SETX: variants seen among roughly 807,000 people sequenced by gnomAD.
SETX encodes helicase senataxin.
In SETX, 90 loss-of-function variants were observed where a neutral mutation model predicts 227.2. That is an observed-to-expected ratio of 0.40 (90% CI 0.33 to 0.47). The LOEUF is 0.47. Among genes scored for constraint, SETX ranks in the 20% least tolerant of loss-of-function variants. The pLI, the probability that SETX is intolerant of heterozygous loss-of-function variation, is 0.91. For missense variants in SETX, 3,052 were observed against 3,181.5 expected (o/e 0.96, Z 0.98); for synonymous variants, 1,210 against 1,113.2 (o/e 1.09, Z -1.73).
chr9:132,283,012 T>G (rs941711997), intron 19 of SETX: 1 of 517,088 alleles, frequency 1.9e-6, no homozygotes, highest in African/African-American at 1.9e-5. Flanking sequence ...AGTGAGACAG[T>G]CACTCAGCAG....
intron 10 of SETX, among the ~76,000 whole-genome samples, chr9:132,324,223 T>C (rs1196847243): frequency 6.6e-6 from 1 of 151,576 alleles, no homozygotes; most frequent in Non-Finnish European, 1.5e-5. Flanking sequence ...CCAGCGAAAA[T>C]AAAGCAACTC....
chr9:132,273,652 T>C lies in SETX; in HGVS notation c.7100+1604A>G, dbSNP rs531541970. Among the ~76,000 whole-genome samples the C allele has an allele frequency of 1.1e-4, 16 of 152,374 alleles. No homozygotes were observed. In the South Asian group the frequency reaches 3.1e-3, roughly 30 times the overall value. ...TCAAAATATAATCAACTTTCACATA[T>C]TAATCTTGTATCCTGCTAAGCTTAT... is the stretch of plus-strand genomic sequence containing the variant. On this transcript the variant is annotated intron_variant, in intron 23 of 25. Transcript: ENST00000224140.
intron 23 of SETX, among the ~76,000 whole-genome samples, chr9:132,272,203 C>G (rs1310530133): frequency 6.6e-6 from 1 of 151,948 alleles, no homozygotes; most frequent in Non-Finnish European, 1.5e-5. Context: ...TAGCCTCACT[C>G]TTGTCCAGGC....
intron 18 of SETX, among the ~76,000 whole-genome samples, chr9:132,285,217 A>G (rs1032553758): frequency 3.3e-5 from 5 of 152,286 alleles, no homozygotes; most frequent in East Asian, 1.9e-4. Flanking sequence ...GATAATTATC[A>G]TAATTGTTTT....
rs768416624 is a variant in SETX, at chr9:132,326,754, T to G, written c.4844A>C (p.Glu1615Ala). Residue 1615 changes from glutamate to alanine, a missense_variant, in exon 10 of 26, where the codon GAA (glutamate) becomes GCA (alanine). Around this residue, in one of 10 missense-constraint regions of SETX, gnomAD observed 1,483 missense variants for 1,312.0 expected, o/e 1.13. Transcript: ENST00000224140. Reference protein sequence around the residue: ...SRIAGLSKSLETSSALSPSLK... With the variant: ...SRIAGLSKSLATSSALSPSLK... ...AGACGGTGAAAGTGCTGAAGAAGTTTCCAAAGATTTAGAAAGACCAGCAAT... is the reference window on the plus strand; with the variant it reads ...AGACGGTGAAAGTGCTGAAGAAGTTGCCAAAGATTTAGAAAGACCAGCAAT... The G allele has an allele frequency of 6.2e-7, 1 of 1,614,228 alleles. No homozygotes were observed. The highest frequency in any genetic ancestry group is 8.5e-7 in the Non-Finnish European group (1 of 1,180,036).
At chr9:132,351,050 T>C (rs1848576807) in intron 2 of SETX, among the ~76,000 whole-genome samples, 2 of 152,196 alleles carry the variant, frequency 1.3e-5, no homozygotes. Flanking sequence ...AGGTCTTCAA[T>C]GTATTTCTGC....
chr9:132,356,227 G>C (rs1848907524), upstream of SETX, among the ~76,000 whole-genome samples: 1 of 151,854 alleles, frequency 6.6e-6, no homozygotes. Flanking sequence ...TTTTGAGATG[G>C]AGTCGCGCTC....
At chr9:132,299,742 T>C (rs1416581197) in intron 12 of SETX, among the ~76,000 whole-genome samples, 2 of 152,184 alleles carry the variant, frequency 1.3e-5, no homozygotes, top group Non-Finnish European at 2.9e-5. Flanking sequence ...GATGACAGCC[T>C]TGAAAATAGG....
Position 132,346,268 on chromosome 9 carries a change from T to C in SETX, c.381A>G (p.Glu127=). The part of the protein sequence containing the change: ...ILKYPYLLLH[E]RVNELCVEAL... ...AACCATCAAGATACTCACTAACACGTTCATGTAGAAGCAAGTAAGGATATT... is the reference window on the plus strand; with the variant it reads ...AACCATCAAGATACTCACTAACACGCTCATGTAGAAGCAAGTAAGGATATT... Residue 127 remains glutamate, a synonymous_variant, in exon 4 of 26, where the codon GAA becomes GAG. Coordinates refer to ENST00000224140, the MANE Select transcript of SETX (RefSeq NM_015046.7). 6 of 1,612,234 alleles carry C rather than the reference T, an allele frequency of 3.7e-6. No homozygotes were observed. Among genetic ancestry groups the C allele is most frequent in the Non-Finnish European group, 5.1e-6 (6 of 1,178,412 alleles).
intron 6 of SETX, among the ~76,000 whole-genome samples, chr9:132,335,193 A>T (rs375106876): frequency 2.6e-5 from 4 of 151,930 alleles, no homozygotes; most frequent in East Asian, 2.0e-4. Flanking sequence ...GATCGAGACC[A>T]TCCTGGCTAA....
intron 11 of SETX, among the ~76,000 whole-genome samples, chr9:132,301,532 TA>T (rs1383223289): frequency 1.3e-5 from 2 of 152,198 alleles, no homozygotes; most frequent in African/African-American, 2.4e-5. Context: ...AGTGGTCCCA[TA>T]AGATTATAAT....
chr9:132,321,145 C>G (rs572784813), intron 10 of SETX, among the ~76,000 whole-genome samples: 14 of 152,338 alleles, frequency 9.2e-5, no homozygotes, highest in African/African-American at 3.4e-4. Flanking sequence ...ACTCAGCTCC[C>G]TGCCACGCCT....
intron 10 of SETX, among the ~76,000 whole-genome samples, chr9:132,320,102 T>A (rs993730050): frequency 2.0e-5 from 3 of 152,206 alleles, no homozygotes; most frequent in Non-Finnish European, 2.9e-5. Flanking sequence ...AAATTCTTCT[T>A]CCCGTCACAT....
At chr9:132,295,803 G>A in intron 15 of SETX, 69 bp downstream of exon 15, 1 of 1,427,970 alleles carries the variant, frequency 7.0e-7, no homozygotes, top group Non-Finnish European at 9.7e-7. Context: ...TCTTTCCTTT[G>A]TCATTCAAAG....
chr9:132,314,542 G>C (rs1277115055), intron 10 of SETX, among the ~76,000 whole-genome samples: 2 of 152,084 alleles, frequency 1.3e-5, no homozygotes, highest in African/African-American at 4.8e-5. Context: ...AAGTATTAAA[G>C]GTCAGTGGTA....
Position 132,269,361 on chromosome 9 carries a change from C to T in SETX, c.7287+254G>A, listed in dbSNP as rs1287305494. 5.7e-6 allele frequency: 8 copies of T among 1,396,814 alleles called. 1 individual carries two copies. Among genetic ancestry groups the T allele is most frequent in the Non-Finnish European group, 7.7e-6 (8 of 1,040,722 alleles). 86.5% of individuals were successfully genotyped at this position (1,396,814 alleles called of 1,614,324 possible). A position where few individuals can be genotyped will look rare whatever the true frequency, so the allele number is the denominator to read the frequency against. On this transcript the variant is annotated intron_variant, in intron 25 of 25. Coordinates refer to ENST00000224140, the MANE Select transcript of SETX (RefSeq NM_015046.7). ...CTGTGGGTTTAATATACCTTCTTAACAATAATCCTATGATGTGGATAATTT... is the reference window on the plus strand; with the variant it reads ...CTGTGGGTTTAATATACCTTCTTAATAATAATCCTATGATGTGGATAATTT...
chr9:132,288,612 T>C lies in SETX; in HGVS notation c.6146A>G (p.Glu2049Gly). ...TAGAACCTCACTATTAATAGACTTT[T>C]CTGGACCCAGTCGTACTAAATTTAT... ...GDINLVRLGP[E>G]KSINSEVLKF... is the part of the protein sequence containing the mutation. The change falls in exon 16 of 26, where the codon GAA becomes GGA. Residue 2049 changes from glutamate (E) to glycine (G), a missense_variant. By Grantham distance (98) the Glu-to-Gly change is moderately conservative (BLOSUM62 -2). Coordinates refer to ENST00000224140, the MANE Select transcript of SETX (RefSeq NM_015046.7). The C allele has an allele frequency of 1.2e-6, 2 of 1,613,898 alleles. No homozygotes were observed. The highest frequency in any genetic ancestry group is 1.7e-6 in the Non-Finnish European group (2 of 1,179,870).
chr9:132,349,337 T>A lies in SETX; in HGVS notation c.92A>T (p.Gln31Leu). 6.2e-7 allele frequency: 1 copy of A among 1,614,130 alleles called. No individual in the cohort carries two copies. The highest frequency in any genetic ancestry group is 1.1e-5 in the South Asian group (1 of 91,082). The change falls in exon 3 of 26, where the codon CAA (glutamine) becomes CTA (leucine). Residue 31 changes from glutamine (Q) to leucine (L), a missense_variant. Around this residue, in one of 10 missense-constraint regions of SETX, gnomAD observed 152 missense variants for 156.2 expected, o/e 0.97. Transcript: ENST00000224140. The stretch of plus-strand genomic sequence containing the variant: ...GTAGCAGAGGTCTTCGTCGGCTGTT[T>A]GAAATTCACCGGACGGAGTGTTGGA... ...YASNTPSGEFQTADEDLCYCL... is the reference protein window; with the variant it reads ...YASNTPSGEFLTADEDLCYCL...
In SETX at chr9:132,331,312, A is replaced by G; in HGVS notation, c.975T>C (p.Asn325=). The change falls in exon 8 of 26, where the codon AAT becomes AAC. Residue 325 remains asparagine (N), a synonymous_variant. Transcript: ENST00000224140. ...FQTIINNASY[N]REIRHIRNSS... is the part of the protein sequence containing the mutation. ...TGTTCCGTATATGTCGGATCTCTCT[A>G]TTGTAGCTTGCGTTGTTGATAATGG... The G allele has an allele frequency of 6.2e-7, 1 of 1,614,076 alleles. No homozygotes were observed. The highest frequency in any genetic ancestry group is 8.5e-7 in the Non-Finnish European group (1 of 1,179,986).
Sources: gnomAD v4.1 joint callset for allele counts (sites outside exome capture counted in the v4.1 genomes callset) on GRCh38, gnomAD v4.1.1 for gene constraint, gnomAD v4.1.1 regional missense constraint, MANE v1.5 for transcripts, NCBI Gene and HGNC (gene_info 2026-07-23, HGNC 2026-07-21) for gene names.